Variants in EIF2B3 observed in about 807,000 individuals in gnomAD.
The protein encoded by EIF2B3 is eukaryotic translation initiation factor 2B subunit gamma.
A neutral mutation model predicts 54.1 loss-of-function variants in EIF2B3; 20 were observed. That is an observed-to-expected ratio of 0.37 (90% CI 0.26 to 0.54). The LOEUF (loss-of-function observed/expected upper bound fraction) is 0.54. Among genes scored for constraint, EIF2B3 ranks in the 20% least tolerant of loss-of-function variants. EIF2B3 has a pLI of 0.86. For missense variants in EIF2B3, 448 were observed against 547.8 expected (o/e 0.82, Z 1.82); for synonymous variants, 153 against 188.1 (o/e 0.81, Z 1.52).
intron 3 of EIF2B3, 98 bp downstream of exon 3, chr1:44,978,217 C>G: frequency 7.1e-7 from 1 of 1,409,708 alleles, no homozygotes; most frequent in Non-Finnish European, 9.9e-7. Context: ...GGTGACAGAG[C>G]GAGGTTCTGT....
chr1:44,944,494 CAAA>C (rs35092890), intron 3 of EIF2B3, among the ~76,000 whole-genome samples: 7 of 85,594 alleles, frequency 8.2e-5, no homozygotes, highest in Admixed American at 1.4e-4. Flanking sequence ...GATGCTGTCT[CAAA>C]AAAAAAAAAA....
chr1:44,925,130 A>C (rs1315936936), intron 5 of EIF2B3: 1 of 152,220 alleles, frequency 6.6e-6, no homozygotes, highest in African/African-American at 2.4e-5. Context: ...TAGTTTCCTC[A>C]AAAAATTAAA....
chr1:44,935,701 A>G lies in EIF2B3; in HGVS notation c.454+5805T>C, dbSNP rs569938172. Among the ~76,000 whole-genome samples, 14 of 152,288 alleles carry G rather than the reference A, an allele frequency of 9.2e-5. No individual in the cohort carries two copies. In the South Asian group the frequency reaches 2.9e-3, roughly 32 times the overall value. ...ATTTTTAGAGAGAGAGGGTTTCACC[A>G]TGTTGGTCAGGCTGGTCTCAAACTG... is the stretch of plus-strand genomic sequence containing the variant. On this transcript the variant is annotated intron_variant, in intron 4 of 11. Transcript: ENST00000360403.
At chr1:44,957,190 C>T (rs1644234546) in intron 3 of EIF2B3, among the ~76,000 whole-genome samples, 1 of 152,132 alleles carries the variant, frequency 6.6e-6, no homozygotes, top group African/African-American at 2.4e-5. Flanking sequence ...CACCTGAGCT[C>T]AGGGGATGGA....
intron 6 of EIF2B3, among the ~76,000 whole-genome samples, chr1:44,890,179 C>G (rs756071932): frequency 6.6e-5 from 10 of 152,046 alleles, no homozygotes; most frequent in African/African-American, 2.2e-4. Context: ...GATATAAAAA[C>G]GGGACTCTTG....
chr1:44,973,994 T>C (rs922180696), intron 3 of EIF2B3, among the ~76,000 whole-genome samples: 1 of 151,950 alleles, frequency 6.6e-6, no homozygotes, highest in Non-Finnish European at 1.5e-5. Context: ...TCTAAACAAA[T>C]AATCAGCGGT....
intron 5 of EIF2B3, among the ~76,000 whole-genome samples, chr1:44,922,167 G>C (rs1442460463): frequency 6.6e-6 from 1 of 151,210 alleles, no homozygotes; most frequent in African/African-American, 2.4e-5. Context: ...ACCCGCCTTG[G>C]CCTCCCAAAG....
intron 3 of EIF2B3, among the ~76,000 whole-genome samples, chr1:44,944,668 T>G (rs577190957): frequency 6.6e-6 from 1 of 152,064 alleles, no homozygotes; most frequent in South Asian, 2.1e-4. Context: ...AAATAAAATT[T>G]TTTAAAAGTT....
At chr1:44,855,419 C>T (rs1481430074) in intron 11 of EIF2B3, among the ~76,000 whole-genome samples, 11 of 152,206 alleles carry the variant, frequency 7.2e-5, no homozygotes, top group Admixed American at 5.9e-4. Flanking sequence ...TAACTTTATA[C>T]CCTGAAATCC....
At chr1:44,959,105 G>A (rs1016045320) in intron 3 of EIF2B3, 4 of 762,560 alleles carry the variant, frequency 5.2e-6, no homozygotes, top group African/African-American at 1.7e-5. Flanking sequence ...CTTAGGCTAC[G>A]TAACATCCCT....
At chr1:44,911,553 T>C (rs1244193218) in intron 5 of EIF2B3, among the ~76,000 whole-genome samples, 1 of 152,182 alleles carries the variant, frequency 6.6e-6, no homozygotes, top group East Asian at 1.9e-4. Context: ...CAAATGTAAT[T>C]ACAATTAAGG....
At chr1:44,962,837 T>A (rs72676583) in intron 3 of EIF2B3, among the ~76,000 whole-genome samples, 4,678 of 152,318 alleles carry the variant, frequency 0.031, 124 homozygotes, top group Non-Finnish European at 0.04. Flanking sequence ...AAACTCTTTG[T>A]GCCAGGCCCA....
chr1:44,886,091 A>G (rs1655575536), intron 6 of EIF2B3, among the ~76,000 whole-genome samples: 1 of 150,192 alleles, frequency 6.7e-6, no homozygotes, highest in Non-Finnish European at 1.5e-5. Flanking sequence ...ACTCAATGAA[A>G]AAAGCAAATT....
intron 3 of EIF2B3, among the ~76,000 whole-genome samples, chr1:44,963,678 TC>T (rs1288031103): frequency 2.6e-5 from 4 of 152,172 alleles, no homozygotes; most frequent in African/African-American, 9.7e-5. Context: ...CTTACTGACT[TC>T]CCATAAATTG....
At chr1:44,958,351 T>G (rs918822941) in intron 3 of EIF2B3, among the ~76,000 whole-genome samples, 3 of 152,178 alleles carry the variant, frequency 2.0e-5, no homozygotes, top group African/African-American at 7.2e-5. Flanking sequence ...AATTGATAGA[T>G]CCTGTGGTTC....
chr1:44,914,118 C>T (rs1392696844), intron 5 of EIF2B3, among the ~76,000 whole-genome samples: 2 of 150,616 alleles, frequency 1.3e-5, no homozygotes, highest in Non-Finnish European at 3.0e-5. Flanking sequence ...TGTGAGCCAC[C>T]GCACCCAGCC....
intron 5 of EIF2B3, among the ~76,000 whole-genome samples, chr1:44,916,991 T>C (rs1242026144): frequency 1.3e-5 from 2 of 152,208 alleles, no homozygotes; most frequent in Non-Finnish European, 2.9e-5. Context: ...CGAGTTCCAC[T>C]TGCTTTCCCT....
chr1:44,887,090 G>C (rs1056900940), intron 6 of EIF2B3, among the ~76,000 whole-genome samples: 1 of 152,138 alleles, frequency 6.6e-6, no homozygotes, highest in Non-Finnish European at 1.5e-5. Flanking sequence ...GAGCTCCAAG[G>C]ATTTGTGTTT....
Position 44,965,459 on chromosome 1 carries a change from C to T in EIF2B3, c.294+12856G>A, listed in dbSNP as rs76381075. ...TCTTTAGAACAGGTTTAGAACTAAA[C>T]GTGTTCTAAAGCCAAAAGTCTAGAG... On this transcript the variant is annotated intron_variant, in intron 3 of 11. Coordinates refer to ENST00000360403, the MANE Select transcript of EIF2B3 (RefSeq NM_020365.5). 2.6e-3 allele frequency among the ~76,000 whole-genome samples: 400 copies of T among 151,170 alleles called. 4 individuals are homozygous for T. The highest frequency in any genetic ancestry group is 9.4e-3 in the African/African-American group (386 of 41,088).
Sources: allele counts gnomAD v4.1 joint callset (sites outside exome capture counted in the v4.1 genomes callset), GRCh38; gene constraint gnomAD v4.1.1; transcripts MANE v1.5; gene names NCBI Gene and HGNC (gene_info 2026-07-23, HGNC 2026-07-21).